HS6ST3: variants seen among roughly 807,000 people sequenced by gnomAD.
HS6ST3 encodes the protein heparan-sulfate 6-O-sulfotransferase 3.
HS6ST3 carries 12 observed loss-of-function variants against 36.7 expected under a neutral mutation model. The ratio of observed to expected loss-of-function variants is 0.33; its 90% CI spans 0.21 to 0.53. The LOEUF (loss-of-function observed/expected upper bound fraction) is 0.53. HS6ST3 is among the 20% of genes least tolerant of loss of function. HS6ST3 has a pLI of 0.95. For synonymous variants in HS6ST3, 240 were observed against 257.5 expected, an observed-to-expected ratio of 0.93 and a Z score of 0.65; for missense variants, 584 against 640.9, an observed-to-expected ratio of 0.91 and a Z score of 0.96.
At chr13:96,672,423 A>G (rs1325484832) in intron 1 of HS6ST3, among the ~76,000 whole-genome samples, 6 of 152,200 alleles carry the variant, frequency 3.9e-5, no homozygotes, top group Non-Finnish European at 5.9e-5. Flanking sequence ...GGTCAAACAT[A>G]GAAGGTCATC....
At chr13:96,670,065 A>G (rs1324789908) in intron 1 of HS6ST3, among the ~76,000 whole-genome samples, 2 of 152,184 alleles carry the variant, frequency 1.3e-5, no homozygotes, top group African/African-American at 2.4e-5. Context: ...AAAGTGCCTC[A>G]GGGCACTTTG....
chr13:96,493,354 T>A (rs55953622), intron 1 of HS6ST3, among the ~76,000 whole-genome samples: 4,353 of 152,244 alleles, frequency 0.029, 110 homozygotes, highest in African/African-American at 0.063. Context: ...AGCATTTTTT[T>A]AAAAAATCAC....
rs2053759320 is a variant in HS6ST3 at position 96,091,002 on chromosome 13, G to GCCCGCCCGCCGTCCCGGGT, written c.152_170dup (p.Ala58ProfsTer125). The GCCCGCCCGCCGTCCCGGGT allele has an allele frequency of 1.5e-6, 2 of 1,298,098 alleles. No homozygotes were observed. The highest frequency in any genetic ancestry group is 2.0e-6 in the Non-Finnish European group (2 of 1,018,292). The allele number at this position is 1,298,098 out of a possible 1,614,324, so 80.4% of individuals were successfully genotyped here. A position where few individuals can be genotyped will look rare whatever the true frequency, so the allele number is the denominator to read the frequency against. ...GAGCAGCCCCGCGCGGGGGAGGCCGGCCCGCCCGCCGTCCCGGGTCCCGCC... is the reference window on the plus strand; with the variant it reads ...GAGCAGCCCCGCGCGGGGGAGGCCGGCCCGCCCGCCGTCCCGGGTCCCGCCCGCCGTCCCGGGTCCCGCC... On this transcript the variant is annotated frameshift_variant, in exon 1 of 2. Coordinates refer to ENST00000376705, the MANE Select transcript of HS6ST3 (RefSeq NM_153456.4). LOFTEE classifies it high-confidence loss of function.
intron 1 of HS6ST3, among the ~76,000 whole-genome samples, chr13:96,553,425 G>T (rs1243966036): frequency 6.6e-6 from 1 of 152,140 alleles, no homozygotes; most frequent in Non-Finnish European, 1.5e-5. Context: ...GGATATGAAT[G>T]GTCCAGAAGA....
chr13:96,592,137 A>G (rs1594813876), intron 1 of HS6ST3, among the ~76,000 whole-genome samples: 1 of 152,300 alleles, frequency 6.6e-6, no homozygotes, highest in East Asian at 1.9e-4. Flanking sequence ...CATATTCATC[A>G]AGGATAATGG....
chr13:96,392,883 G>A (rs2055402844), intron 1 of HS6ST3, among the ~76,000 whole-genome samples: 1 of 152,146 alleles, frequency 6.6e-6, no homozygotes, highest in Non-Finnish European at 1.5e-5. Context: ...TTAGCATATT[G>A]TCATTCTGAA....
At chr13:96,190,988 G>A (rs2054286000) in intron 1 of HS6ST3, among the ~76,000 whole-genome samples, 1 of 152,156 alleles carries the variant, frequency 6.6e-6, no homozygotes, top group African/African-American at 2.4e-5. Flanking sequence ...CGCAATCAAT[G>A]TGGTTCAAGT....
intron 1 of HS6ST3, among the ~76,000 whole-genome samples, chr13:96,497,766 C>T (rs1180979440): frequency 6.6e-6 from 1 of 152,196 alleles, no homozygotes; most frequent in African/African-American, 2.4e-5. Context: ...ACTTCTCCAG[C>T]CCTATATCAT....
At chr13:96,789,281 A>G (rs145538974) in intron 1 of HS6ST3, among the ~76,000 whole-genome samples, 17 of 151,864 alleles carry the variant, frequency 1.1e-4, no homozygotes, top group African/African-American at 4.1e-4. Context: ...GAATATGGGA[A>G]TTTTATCAAT....
At chr13:96,159,093 C>A (rs1039073752) in intron 1 of HS6ST3, among the ~76,000 whole-genome samples, 2 of 152,060 alleles carry the variant, frequency 1.3e-5, no homozygotes, top group African/African-American at 4.8e-5. Flanking sequence ...AAGGAGGGAG[C>A]AGTTGGGGGT....
chr13:96,454,813 T>C (rs2055746880), intron 1 of HS6ST3, among the ~76,000 whole-genome samples: 1 of 151,820 alleles, frequency 6.6e-6, no homozygotes, highest in Non-Finnish European at 1.5e-5. Flanking sequence ...GATTATGTGG[T>C]TCACTTCTTG....
intron 1 of HS6ST3, among the ~76,000 whole-genome samples, chr13:96,448,363 A>G (rs1245654524): frequency 6.6e-6 from 1 of 152,150 alleles, no homozygotes; most frequent in Non-Finnish European, 1.5e-5. Context: ...ATGTATGATC[A>G]TGTTTTCCCC....
rs145389236 is a variant in HS6ST3 at position 96,612,972 on chromosome 13, C to G, written c.708-219518C>G. Among the ~76,000 whole-genome samples, 14 of 152,268 alleles carry G rather than the reference C, an allele frequency of 9.2e-5. 1 individual carries two copies. In the East Asian group the frequency reaches 2.7e-3, roughly 29 times the overall value. On this transcript the variant is annotated intron_variant, in intron 1 of 1. Coordinates refer to ENST00000376705, the MANE Select transcript of HS6ST3 (RefSeq NM_153456.4). Reference sequence around the variant, plus strand: ...CCTCAGAGCCTTTTCACAAGTCTATCCCTCTTCCTGTAATCTTCTTCCAAA... The same window carrying G: ...CCTCAGAGCCTTTTCACAAGTCTATGCCTCTTCCTGTAATCTTCTTCCAAA...
At chr13:96,810,415 T>C (rs1293769939) in intron 1 of HS6ST3, among the ~76,000 whole-genome samples, 2 of 152,178 alleles carry the variant, frequency 1.3e-5, no homozygotes, top group African/African-American at 4.8e-5. Flanking sequence ...GCTGTGATTA[T>C]GTACTATTAT....
intron 1 of HS6ST3, among the ~76,000 whole-genome samples, chr13:96,782,747 C>T (rs1219280651): frequency 1.3e-5 from 2 of 152,058 alleles, no homozygotes; most frequent in East Asian, 3.9e-4. Context: ...CAATGGTGAG[C>T]AGAGAGGGAG....
At chr13:96,428,706 C>A (rs2055599500) in intron 1 of HS6ST3, among the ~76,000 whole-genome samples, 1 of 152,116 alleles carries the variant, frequency 6.6e-6, no homozygotes, top group African/African-American at 2.4e-5. Context: ...CAATTCAGCC[C>A]ATTCCAGGTG....
chr13:96,620,909 G>A (rs1053422038), intron 1 of HS6ST3, among the ~76,000 whole-genome samples: 3 of 152,124 alleles, frequency 2.0e-5, no homozygotes, highest in South Asian at 2.1e-4. Context: ...GAACTAGGGC[G>A]ATTATGCTGA....
At chr13:96,112,425 T>A (rs2053872649) in intron 1 of HS6ST3, among the ~76,000 whole-genome samples, 1 of 151,056 alleles carries the variant, frequency 6.6e-6, no homozygotes, top group African/African-American at 2.4e-5. Flanking sequence ...ACATGAAAGA[T>A]TTATCTATAT....
chr13:96,676,370 C>T (rs749716791), intron 1 of HS6ST3, among the ~76,000 whole-genome samples: 12 of 152,180 alleles, frequency 7.9e-5, no homozygotes, highest in Admixed American at 4.6e-4. Flanking sequence ...TTATGTAACC[C>T]CTAAGAGACT....
Sources: allele counts gnomAD v4.1 joint callset (sites outside exome capture counted in the v4.1 genomes callset), GRCh38; gene constraint gnomAD v4.1.1; transcripts MANE v1.5; gene names NCBI Gene and HGNC (gene_info 2026-07-23, HGNC 2026-07-21).